TMEM135: variants seen among roughly 807,000 people sequenced by gnomAD.
TMEM135 encodes the protein peroxisomal membrane protein 52.
Under a neutral mutation model 60.3 loss-of-function variants are expected in TMEM135, and 30 were observed. The ratio of observed to expected loss-of-function variants is 0.50; its 90% CI spans 0.37 to 0.68. The LOEUF (loss-of-function observed/expected upper bound fraction) is 0.68, where lower values mean the gene tolerates loss of function less well. TMEM135 is among the 30% of genes least tolerant of loss of function. The pLI is 0.00. For synonymous variants in TMEM135, 190 were observed against 186.7 expected, an observed-to-expected ratio of 1.02 and a Z score of -0.14; for missense variants, 468 against 548.8, an observed-to-expected ratio of 0.85 and a Z score of 1.47.
intron 6 of TMEM135, among the ~76,000 whole-genome samples, chr11:87,266,434 T>A (rs1941748689): frequency 1.3e-5 from 2 of 152,206 alleles, no homozygotes; most frequent in African/African-American, 4.8e-5. Flanking sequence ...TATGTATGTA[T>A]ATATAGCAGA....
chr11:87,038,146 C>T lies in TMEM135; in HGVS notation c.101C>T (p.Ala34Val). Residue 34 changes from alanine (A) to valine (V), a missense_variant, in exon 1 of 15, where the codon GCC becomes GTC. Physicochemically the swap from Ala to Val is moderately conservative, Grantham distance 64. Transcript: ENST00000305494. The part of the protein sequence containing the change: ...RVSFLQITGG[A>V]LEESLKIYAP... ...TCCTTCCTGCAGATCACCGGGGGCG[C>T]CCTGGAGGAGTCCCTGAAGATCTAT... 2 of 1,614,140 alleles carry T rather than the reference C, an allele frequency of 1.2e-6. No homozygotes were observed. The highest frequency in any genetic ancestry group is 1.7e-6 in the Non-Finnish European group (2 of 1,180,040).
At chr11:87,314,958 C>T (rs1347827284) in intron 12 of TMEM135, among the ~76,000 whole-genome samples, 2 of 151,840 alleles carry the variant, frequency 1.3e-5, no homozygotes, top group African/African-American at 4.8e-5. Flanking sequence ...TCAACAATAC[C>T]ACAGTATCAT....
intron 4 of TMEM135, among the ~76,000 whole-genome samples, chr11:87,121,822 T>A (rs2135216731): frequency 6.6e-6 from 1 of 152,156 alleles, no homozygotes; most frequent in South Asian, 2.1e-4. Context: ...GTATTTTTAG[T>A]AGAGACGGGG....
At position 87,327,914 on chromosome 11, in the gene TMEM135, CCA is replaced by C. The variant is rs1304291456; in HGVS notation, c.*6582_*6583del. Reference sequence around the variant, plus strand: ...CTCCTTTCTTCTGTTTTTATTCTACCCAGGCCTCCAGTGGATTGGAGGTGCCT... The same window carrying C: ...CTCCTTTCTTCTGTTTTTATTCTACCGGCCTCCAGTGGATTGGAGGTGCCT... On this transcript the variant is annotated 3_prime_UTR_variant, in exon 15 of 15. Coordinates refer to ENST00000305494, the MANE Select transcript of TMEM135 (RefSeq NM_022918.4). 1.1e-5 allele frequency: 5 copies of C among 453,848 alleles called. No individual in the cohort carries two copies. Among genetic ancestry groups the C allele is most frequent in the Non-Finnish European group, 2.2e-5 (5 of 226,776 alleles). 28.1% of individuals were successfully genotyped at this position (453,848 alleles called of 1,614,324 possible). A position where few individuals can be genotyped will look rare whatever the true frequency, so the allele number is the denominator to read the frequency against.
intron 5 of TMEM135, among the ~76,000 whole-genome samples, chr11:87,178,789 G>A (rs12794107): frequency 6.6e-6 from 1 of 151,748 alleles, no homozygotes; most frequent in Admixed American, 6.6e-5. Flanking sequence ...TGACTGAATA[G>A]TATTCCATTG....
At chr11:87,042,772 A>G (rs1191190820) in intron 1 of TMEM135, among the ~76,000 whole-genome samples, 1 of 152,074 alleles carries the variant, frequency 6.6e-6, no homozygotes, top group Non-Finnish European at 1.5e-5. Flanking sequence ...TGTTCTATAC[A>G]TTTGCCCTCA....
intron 4 of TMEM135, among the ~76,000 whole-genome samples, chr11:87,130,713 G>C (rs1204724114): frequency 1.3e-5 from 2 of 151,962 alleles, no homozygotes; most frequent in Non-Finnish European, 2.9e-5. Context: ...AGTTGCCCAG[G>C]CTGGTCTTGA....
intron 1 of TMEM135, among the ~76,000 whole-genome samples, chr11:87,041,413 C>G (rs138665521): frequency 6.6e-6 from 1 of 152,068 alleles, no homozygotes; most frequent in African/African-American, 2.4e-5. Flanking sequence ...GATGCTAAAT[C>G]TGGTAGCACT....
rs759818439 is a variant in TMEM135 at position 87,321,244 on chromosome 11, G to A, written c.1288G>A (p.Gly430Ser). The A allele has an allele frequency of 6.8e-6, 11 of 1,613,360 alleles. No homozygotes were observed. The highest frequency in any genetic ancestry group is 7.6e-6 in the Non-Finnish European group (9 of 1,179,608). The change falls in exon 15 of 15, where the codon GGT becomes AGT. Residue 430 changes from glycine to serine, a missense_variant. Physicochemically the swap from Gly to Ser is moderately conservative, Grantham distance 56. Transcript: ENST00000305494. Reference sequence around the variant, plus strand: ...AAAAGTCCTTGATGTTTTTGGTACTGGTGCATCTAAACACTTTCAGGATTT... The same window carrying A: ...AAAAGTCCTTGATGTTTTTGGTACTAGTGCATCTAAACACTTTCAGGATTT... The part of the protein sequence containing the change: ...NRKVLDVFGT[G>S]ASKHFQDFIP...
intron 4 of TMEM135, among the ~76,000 whole-genome samples, chr11:87,098,458 C>T (rs1169564006): frequency 6.6e-6 from 1 of 152,038 alleles, no homozygotes; most frequent in Non-Finnish European, 1.5e-5. Context: ...GATTGTGGTA[C>T]ATAGATGAAG....
intron 5 of TMEM135, among the ~76,000 whole-genome samples, 173 bp from the exon 6 acceptor site, chr11:87,236,465 G>T (rs1204814067): frequency 6.6e-6 from 1 of 152,018 alleles, no homozygotes; most frequent in East Asian, 1.9e-4. Context: ...CAGGCTGCAG[G>T]TTGAACAAGC....
At chr11:87,043,146 G>A (rs1184254141) in intron 1 of TMEM135, among the ~76,000 whole-genome samples, 1 of 151,262 alleles carries the variant, frequency 6.6e-6, no homozygotes, top group Non-Finnish European at 1.5e-5. Flanking sequence ...GTAGAGACGG[G>A]GTTTCTGCAT....
At chr11:87,045,680 T>G (rs898180681) in intron 1 of TMEM135, among the ~76,000 whole-genome samples, 2 of 152,232 alleles carry the variant, frequency 1.3e-5, no homozygotes, top group Non-Finnish European at 1.5e-5. Context: ...TTTATTGTGA[T>G]AGAGATTAGT....
intron 10 of TMEM135, among the ~76,000 whole-genome samples, chr11:87,309,907 A>G (rs182302387): frequency 1.3e-5 from 2 of 152,272 alleles, no homozygotes; most frequent in East Asian, 1.9e-4. Flanking sequence ...TACATATGGT[A>G]TTACACATTG....
chr11:87,053,301 A>G (rs1490161143), intron 1 of TMEM135, among the ~76,000 whole-genome samples: 1 of 151,934 alleles, frequency 6.6e-6, no homozygotes, highest in African/African-American at 2.4e-5. Flanking sequence ...CAATATATAT[A>G]TATATATGGA....
intron 4 of TMEM135, among the ~76,000 whole-genome samples, chr11:87,132,793 C>G (rs1034112417): frequency 6.6e-6 from 1 of 150,776 alleles, no homozygotes; most frequent in Non-Finnish European, 1.5e-5. Flanking sequence ...GCAGATTGTA[C>G]CAAACCCTAT....
At chr11:87,151,296 T>G (rs1192285157) in intron 4 of TMEM135, among the ~76,000 whole-genome samples, 1 of 152,144 alleles carries the variant, frequency 6.6e-6, no homozygotes, top group Non-Finnish European at 1.5e-5. Flanking sequence ...TTGGAATTTT[T>G]TTACTAAAAT....
At chr11:87,044,639 T>A (rs61906194) in intron 1 of TMEM135, among the ~76,000 whole-genome samples, 23,303 of 152,064 alleles carry the variant, frequency 0.15, 1,909 homozygotes, top group Non-Finnish European at 0.17. Flanking sequence ...TCTTTGGAGA[T>A]ATAAGTCATA....
intron 5 of TMEM135, among the ~76,000 whole-genome samples, chr11:87,203,142 C>T (rs1940158269): frequency 6.6e-6 from 1 of 151,946 alleles, no homozygotes. Flanking sequence ...ATACCCTCCC[C>T]CATTATTAAC....
Sources: allele counts gnomAD v4.1 joint callset (sites outside exome capture counted in the v4.1 genomes callset), GRCh38; gene constraint gnomAD v4.1.1; transcripts MANE v1.5; gene names NCBI Gene and HGNC (gene_info 2026-07-23, HGNC 2026-07-21).